Variants in RIMS2 observed in about 807,000 individuals in gnomAD.
The protein encoded by RIMS2 is regulating synaptic membrane exocytosis 2, also known as regulating synaptic membrane exocytosis protein 2.
RIMS2 carries 59 observed loss-of-function variants against 174.4 expected under a neutral mutation model. The observed-to-expected ratio is 0.34, with a 90% confidence interval of 0.27 to 0.42. The LOEUF (loss-of-function observed/expected upper bound fraction) is 0.42. RIMS2 is among the 10% of genes least tolerant of loss of function. The pLI, the probability that RIMS2 is intolerant of heterozygous loss-of-function variation, is 1.00. For synonymous variants in RIMS2, 606 were observed against 572.5 expected (o/e 1.06, Z -0.84); for missense variants, 1,620 against 1,666.3 (o/e 0.97, Z 0.48).
exon 4 of RIMS2, chr8:103,885,876 A>G: frequency 6.2e-7 from 1 of 1,612,966 alleles, no homozygotes; most frequent in Non-Finnish European, 8.5e-7. Context: ...TCTTATGCAC[A>G]AAGGACCACA....
chr8:104,242,454 G>T (rs2441801), intron 19 of RIMS2, among the ~76,000 whole-genome samples: 1 of 151,790 alleles, frequency 6.6e-6, no homozygotes, highest in Admixed American at 6.6e-5. Flanking sequence ...TTGCATATAG[G>T]GTTTCTTGTT....
At chr8:103,598,367 G>C (rs2094556710) in intron 1 of RIMS2, among the ~76,000 whole-genome samples, 1 of 152,142 alleles carries the variant, frequency 6.6e-6, no homozygotes, top group Non-Finnish European at 1.5e-5. Context: ...ATTTAGAAAT[G>C]AATAGGCTGA....
intron 3 of RIMS2, among the ~76,000 whole-genome samples, chr8:103,851,573 C>G (rs878988635): frequency 6.7e-6 from 1 of 149,826 alleles, no homozygotes; most frequent in South Asian, 2.1e-4. Context: ...TTTTAGTATT[C>G]TTATAGTTGC....
At chr8:104,077,149 A>G (rs554080478) in intron 19 of RIMS2, among the ~76,000 whole-genome samples, 1 of 152,140 alleles carries the variant, frequency 6.6e-6, no homozygotes, top group African/African-American at 2.4e-5. Context: ...CTACATATAA[A>G]GATTAAAGTC....
intron 3 of RIMS2, among the ~76,000 whole-genome samples, chr8:103,865,173 A>G (rs893591131): frequency 1.3e-5 from 2 of 151,720 alleles, no homozygotes; most frequent in Admixed American, 6.6e-5. Context: ...TATAAAAATA[A>G]AAATAAATAC....
At chr8:104,036,778 G>GAGAA (rs2096527017) in intron 19 of RIMS2, among the ~76,000 whole-genome samples, 1 of 151,962 alleles carries the variant, frequency 6.6e-6, no homozygotes, top group African/African-American at 2.4e-5. Flanking sequence ...TCAGGAGGCT[G>GAGAA]AGGCAGGAGA....
chr8:103,834,332 C>CTTT (rs397892077), intron 3 of RIMS2, among the ~76,000 whole-genome samples: 22 of 119,268 alleles, frequency 1.8e-4, no homozygotes, highest in Non-Finnish European at 2.9e-4. Flanking sequence ...TTTTCTTTTT[C>CTTT]TTTTTTTTTT....
At chr8:103,590,159 G>T (rs1416965216) in intron 1 of RIMS2, among the ~76,000 whole-genome samples, 1 of 151,260 alleles carries the variant, frequency 6.6e-6, no homozygotes, top group Non-Finnish European at 1.5e-5. Context: ...CTTATTTCAT[G>T]TTGCATTTCT....
intron 3 of RIMS2, among the ~76,000 whole-genome samples, chr8:103,790,159 G>A (rs912922614): frequency 2.0e-5 from 3 of 152,156 alleles, no homozygotes; most frequent in Non-Finnish European, 4.4e-5. Flanking sequence ...CCTAAGTGGT[G>A]TTTAGTTTAA....
chr8:104,223,653 T>C, intron 19 of RIMS2: 1 of 1,588,864 alleles, frequency 6.3e-7, no homozygotes, highest in South Asian at 1.1e-5. Context: ...TCGTCCAAGA[T>C]GGGCCGGCAG....
intron 19 of RIMS2, among the ~76,000 whole-genome samples, chr8:104,136,931 G>A (rs2098525720): frequency 6.6e-6 from 1 of 151,962 alleles, no homozygotes; most frequent in Admixed American, 6.6e-5. Context: ...ACCTGCACTT[G>A]TACCCCGGAT....
At chr8:103,990,368 G>A (rs1307867420) in intron 17 of RIMS2, among the ~76,000 whole-genome samples, 3 of 152,070 alleles carry the variant, frequency 2.0e-5, no homozygotes, top group Non-Finnish European at 4.4e-5. Flanking sequence ...GTCTTCAATA[G>A]TGTCTAACAA....
chr8:104,034,428 A>T (rs1362395502), intron 19 of RIMS2, among the ~76,000 whole-genome samples: 1 of 144,660 alleles, frequency 6.9e-6, no homozygotes, highest in Non-Finnish European at 1.5e-5. Flanking sequence ...TCTTGAGAGG[A>T]TTATCAGCAA....
At chr8:103,969,504 C>T (rs2092600402) in intron 15 of RIMS2, among the ~76,000 whole-genome samples, 1 of 152,142 alleles carries the variant, frequency 6.6e-6, no homozygotes, top group Non-Finnish European at 1.5e-5. Context: ...AGGCATTCTT[C>T]ATTTCTATTA....
intron 19 of RIMS2, among the ~76,000 whole-genome samples, chr8:104,158,496 T>A (rs1253516963): frequency 6.6e-6 from 1 of 152,212 alleles, no homozygotes; most frequent in East Asian, 1.9e-4. Flanking sequence ...ATGGTTGAAC[T>A]AATTTACACT....
chr8:103,728,748 C>CTTTTTTTTTTTTTTTTTTTT (rs71575982), intron 2 of RIMS2, among the ~76,000 whole-genome samples: 1 of 92,662 alleles, frequency 1.1e-5, no homozygotes, highest in Non-Finnish European at 2.1e-5. Flanking sequence ...TATGCTCCTT[C>CTTTTTTTTTTTTTTTTTTTT]TTTTTTTTTT....
intron 2 of RIMS2, among the ~76,000 whole-genome samples, chr8:103,724,779 G>T (rs1156523335): frequency 6.6e-6 from 1 of 151,914 alleles, no homozygotes; most frequent in Non-Finnish European, 1.5e-5. Context: ...TTCATATATA[G>T]AATTCCCATA....
chr8:103,914,887 A>T (rs1190976187), intron 6 of RIMS2, among the ~76,000 whole-genome samples: 1 of 152,138 alleles, frequency 6.6e-6, no homozygotes, highest in African/African-American at 2.4e-5. Context: ...CCACAGCATT[A>T]TTCCTAACAT....
chr8:103,602,653 G>T (rs929485052), intron 1 of RIMS2, among the ~76,000 whole-genome samples: 2 of 152,132 alleles, frequency 1.3e-5, no homozygotes, highest in African/African-American at 4.8e-5. Context: ...TTTATGGCTG[G>T]ATTGTATTTC....
Sources: allele counts gnomAD v4.1 joint callset (sites outside exome capture counted in the v4.1 genomes callset), GRCh38; gene constraint gnomAD v4.1.1; transcripts MANE v1.5; gene names NCBI Gene and HGNC (gene_info 2026-07-23, HGNC 2026-07-21).